FAT3: variants seen among roughly 807,000 people sequenced by gnomAD.
The protein encoded by FAT3 is FAT atypical cadherin 3, also known as protocadherin Fat 3.
In FAT3, 95 loss-of-function variants were observed where a neutral mutation model predicts 310.2. That is an observed-to-expected ratio of 0.31 (90% CI 0.26 to 0.36). The LOEUF is 0.36. FAT3 is among the 10% of genes least tolerant of loss of function. FAT3 has a pLI of 1.00. For synonymous variants in FAT3, 2,314 were observed against 2,192.9 expected (o/e 1.06, Z -1.54); for missense variants, 5,408 against 5,715.6 (o/e 0.95, Z 1.74).
chr11:92,381,652 A>T (rs1203496003), intron 2 of FAT3, among the ~76,000 whole-genome samples: 1 of 152,194 alleles, frequency 6.6e-6, no homozygotes, highest in African/African-American at 2.4e-5. Context: ...ATAAATAGAT[A>T]TATTTTTGTT....
chr11:92,745,340 C>A (rs1945627455), intron 4 of FAT3, among the ~76,000 whole-genome samples: 3 of 152,204 alleles, frequency 2.0e-5, no homozygotes, highest in African/African-American at 4.8e-5. Context: ...TGGTTCATGG[C>A]AGAAGTTTCT....
At chr11:92,322,364 T>G (rs1295853408) in intron 1 of FAT3, among the ~76,000 whole-genome samples, 1 of 152,138 alleles carries the variant, frequency 6.6e-6, no homozygotes, top group Non-Finnish European at 1.5e-5. Context: ...TCACAATGTT[T>G]TTGCTGGTGG....
intron 22 of FAT3, among the ~76,000 whole-genome samples, chr11:92,869,135 C>T (rs962884239): frequency 1.3e-5 from 2 of 152,182 alleles, no homozygotes; most frequent in African/African-American, 4.8e-5. Context: ...TCAAGTTTCT[C>T]TTTTGTCTGG....
chr11:92,834,928 A>G lies in FAT3; in HGVS notation c.9930A>G (p.Val3310=). 6.2e-7 allele frequency: 1 copy of G among 1,613,098 alleles called. No homozygotes were observed. The highest frequency in any genetic ancestry group is 8.5e-7 in the Non-Finnish European group (1 of 1,179,516). Residue 3310 remains valine, a synonymous_variant, in exon 15 of 28, where the codon GTA becomes GTG. Coordinates refer to ENST00000525166, the MANE Select transcript of FAT3 (RefSeq NM_001367949.2). ...AATTATGCAAAAGGTTTTACCTGGTAGTGGAAGCCAAAGATGGGGGCACCC... is the reference window on the plus strand; with the variant it reads ...AATTATGCAAAAGGTTTTACCTGGTGGTGGAAGCCAAAGATGGGGGCACCC... The part of the protein sequence containing the change: ...DYELCKRFYL[V]VEAKDGGTPA...
At chr11:92,872,773 T>G (rs1452720619) in intron 22 of FAT3, among the ~76,000 whole-genome samples, 1 of 152,216 alleles carries the variant, frequency 6.6e-6, no homozygotes, top group African/African-American at 2.4e-5. Flanking sequence ...AGTCTCACCT[T>G]CAAATTTTTA....
intron 1 of FAT3, among the ~76,000 whole-genome samples, chr11:92,316,827 C>T (rs762711156): frequency 6.6e-6 from 1 of 152,126 alleles, no homozygotes; most frequent in Non-Finnish European, 1.5e-5. Context: ...ATTTAATAGC[C>T]ACATTGTAGC....
In FAT3 at chr11:92,524,880, A is replaced by G. The variant is rs759905157; in HGVS notation, c.3539A>G (p.Asn1180Ser). The change falls in exon 3 of 28, where the codon AAT becomes AGT. Residue 1180 changes from asparagine (N) to serine (S), a missense_variant. Coordinates refer to ENST00000525166, the MANE Select transcript of FAT3 (RefSeq NM_001367949.2). ...IQAEDPDSSS[N>S]EKLTYRITSG... ...GCTGAAGATCCTGACTCCAGTTCCA[A>G]TGAAAAACTGACATACAGGATTACA... 1.7e-5 allele frequency: 27 copies of G among 1,613,772 alleles called. No homozygotes were observed. Among genetic ancestry groups the G allele is most frequent in the Non-Finnish European group, 2.1e-5 (25 of 1,179,828 alleles).
At chr11:92,538,694 A>G (rs1954342331) in intron 3 of FAT3, among the ~76,000 whole-genome samples, 1 of 152,158 alleles carries the variant, frequency 6.6e-6, no homozygotes, top group African/African-American at 2.4e-5. Flanking sequence ...GAATAAAACA[A>G]GGACTTTACC....
intron 2 of FAT3, among the ~76,000 whole-genome samples, chr11:92,495,672 T>A (rs1952732791): frequency 6.6e-6 from 1 of 152,000 alleles, no homozygotes; most frequent in African/African-American, 2.4e-5. Flanking sequence ...GGGTATAATC[T>A]CCCTGTACCT....
chr11:92,508,002 A>G (rs1326305691), intron 2 of FAT3, among the ~76,000 whole-genome samples: 3 of 152,128 alleles, frequency 2.0e-5, no homozygotes, highest in Non-Finnish European at 4.4e-5. Flanking sequence ...AAGAAAATAG[A>G]CATTCTGTAG....
intron 2 of FAT3, among the ~76,000 whole-genome samples, chr11:92,441,191 A>G (rs938906314): frequency 6.6e-6 from 1 of 152,222 alleles, no homozygotes; most frequent in African/African-American, 2.4e-5. Context: ...TGAATTCTCT[A>G]CATTGTATCA....
At chr11:92,412,734 T>TATACACAC (rs1555038579) in intron 2 of FAT3, among the ~76,000 whole-genome samples, 2 of 11,880 alleles carry the variant, frequency 1.7e-4, no homozygotes, top group African/African-American at 3.5e-4. Flanking sequence ...TATATATATA[T>TATACACAC]ATATATATAT....
rs1024991107 is a variant in FAT3, at chr11:92,896,023, A to G, written c.*4910A>G. ...TCTTTGGTTCTTACTGTTTTCATTTAACTTTCTCTGTTTTCAAGAAAAATT... is the reference window on the plus strand; with the variant it reads ...TCTTTGGTTCTTACTGTTTTCATTTGACTTTCTCTGTTTTCAAGAAAAATT... On this transcript the variant is annotated 3_prime_UTR_variant, in exon 28 of 28. Coordinates refer to ENST00000525166, the MANE Select transcript of FAT3 (RefSeq NM_001367949.2). The G allele has an allele frequency of 6.6e-6, 1 of 152,164 alleles. No individual in the cohort carries two copies. The highest frequency in any genetic ancestry group is 2.4e-5 in the African/African-American group (1 of 41,430). 9.4% of individuals were successfully genotyped at this position (152,164 alleles called of 1,614,324 possible). A position where few individuals can be genotyped will look rare whatever the true frequency, so the allele number is the denominator to read the frequency against.
intron 4 of FAT3, among the ~76,000 whole-genome samples, chr11:92,740,352 T>G (rs1356016313): frequency 1.3e-5 from 2 of 152,216 alleles, no homozygotes; most frequent in Non-Finnish European, 2.9e-5. Context: ...CTTTCATTAT[T>G]TAACACATTT....
intron 3 of FAT3, among the ~76,000 whole-genome samples, chr11:92,533,406 C>A (rs1262316198): frequency 6.6e-6 from 1 of 152,082 alleles, no homozygotes; most frequent in Admixed American, 6.5e-5. Flanking sequence ...TGCCACCATC[C>A]ATGATAGGAA....
At chr11:92,373,252 A>C in intron 2 of FAT3, among the ~76,000 whole-genome samples, 1 of 152,170 alleles carries the variant, frequency 6.6e-6, no homozygotes, top group Admixed American at 6.5e-5. Context: ...AAGTTGTTTA[A>C]TGTACTTGAG....
At chr11:92,694,802 A>G (rs1484379972) in intron 3 of FAT3, among the ~76,000 whole-genome samples, 3 of 152,136 alleles carry the variant, frequency 2.0e-5, no homozygotes, top group Non-Finnish European at 4.4e-5. Flanking sequence ...TCTCATTCCT[A>G]TTGTGGACTC....
chr11:92,482,137 A>T (rs576597687), intron 2 of FAT3, among the ~76,000 whole-genome samples: 12 of 152,174 alleles, frequency 7.9e-5, no homozygotes, highest in Non-Finnish European at 1.6e-4. Context: ...CATAGATTTC[A>T]TTCATTTTAA....
chr11:92,801,103 A>C lies in FAT3; in HGVS notation c.8090A>C (p.His2697Pro). 1 of 1,613,920 alleles carries C rather than the reference A, an allele frequency of 6.2e-7. No individual in the cohort carries two copies. ...CACTCCCTCATTCCTGTCTATATCC[A>C]CGTCTTGCCCCCTGAAACGTTCTTG... ...VKHSLIPVYIHVLPPETFLPS... is the reference protein window; with the variant it reads ...VKHSLIPVYIPVLPPETFLPS... The change falls in exon 10 of 28, where the codon CAC becomes CCC. Residue 2697 changes from histidine (H) to proline (P), a missense_variant. Physicochemically the swap from His to Pro is moderately conservative, Grantham distance 77. Coordinates refer to ENST00000525166, the MANE Select transcript of FAT3 (RefSeq NM_001367949.2).
Sources: allele counts gnomAD v4.1 joint callset (sites outside exome capture counted in the v4.1 genomes callset), GRCh38; gene constraint gnomAD v4.1.1; transcripts MANE v1.5; gene names NCBI Gene and HGNC (gene_info 2026-07-23, HGNC 2026-07-21).